Variants in PPP3CA observed in about 807,000 individuals in gnomAD.
PPP3CA encodes the protein CAM-PRP catalytic subunit.
Under a neutral mutation model 66.5 loss-of-function variants are expected in PPP3CA, and 14 were observed. That is an observed-to-expected ratio of 0.21 (90% CI 0.14 to 0.33). The LOEUF (loss-of-function observed/expected upper bound fraction) is 0.33, where lower values mean the gene tolerates loss of function less well. PPP3CA is among the 10% of genes least tolerant of loss of function. PPP3CA has a pLI of 1.00. For missense variants in PPP3CA, 317 were observed against 639.5 expected (o/e 0.50, Z 5.44); for synonymous variants, 232 against 226.2 (o/e 1.03, Z -0.23).
intron 2 of PPP3CA, among the ~76,000 whole-genome samples, chr4:101,116,905 A>C (rs1014444593): frequency 1.3e-4 from 20 of 151,952 alleles, no homozygotes; most frequent in African/African-American, 4.6e-4. Context: ...ATAATGAAAA[A>C]GTCTCTAAAT....
intron 2 of PPP3CA, among the ~76,000 whole-genome samples, chr4:101,176,857 G>A (rs528646663): frequency 6.6e-5 from 10 of 152,088 alleles, no homozygotes; most frequent in South Asian, 2.1e-4. Flanking sequence ...ATAGATATAC[G>A]ATATACTAGG....
intron 8 of PPP3CA, among the ~76,000 whole-genome samples, chr4:101,073,278 A>G (rs988508756): frequency 3.4e-5 from 5 of 146,112 alleles, no homozygotes; most frequent in Admixed American, 3.4e-4. Flanking sequence ...ACACTTACAT[A>G]CTTTTTTTTT....
At chr4:101,135,122 G>C (rs1406029118) in intron 2 of PPP3CA, among the ~76,000 whole-genome samples, 1 of 152,088 alleles carries the variant, frequency 6.6e-6, no homozygotes, top group South Asian at 2.1e-4. Context: ...TAATGTACAT[G>C]ATGGGCTAAT....
intron 1 of PPP3CA, among the ~76,000 whole-genome samples, chr4:101,233,752 T>C (rs943909842): frequency 4.6e-5 from 7 of 151,196 alleles, no homozygotes; most frequent in Admixed American, 1.3e-4. Context: ...TTTTTAACTT[T>C]TATTTTAGGT....
intron 1 of PPP3CA, among the ~76,000 whole-genome samples, chr4:101,240,569 G>A (rs910620878): frequency 6.6e-6 from 1 of 152,042 alleles, no homozygotes; most frequent in Non-Finnish European, 1.5e-5. Flanking sequence ...TGGGAAATCA[G>A]ATACGCAAAC....
intron 8 of PPP3CA, among the ~76,000 whole-genome samples, chr4:101,075,237 G>A (rs954991275): frequency 6.6e-6 from 1 of 152,092 alleles, no homozygotes; most frequent in African/African-American, 2.4e-5. Context: ...TCTTATAAAA[G>A]CAATTTTCTA....
rs148187266 is a variant in PPP3CA, at chr4:101,136,527, C to T, written c.260-27449G>A. ...GTGCACTGGAGCCTGGGTGACAGAACGAGACTCCGCCTCAAAAAAAAAAAA... is the reference window on the plus strand; with the variant it reads ...GTGCACTGGAGCCTGGGTGACAGAATGAGACTCCGCCTCAAAAAAAAAAAA... On this transcript the variant is annotated intron_variant, in intron 2 of 13. Transcript: ENST00000394854. Among the ~76,000 whole-genome samples the T allele has an allele frequency of 1.3e-4, 19 of 148,044 alleles. 1 individual carries two copies. The East Asian group carries it at 2.4e-3, about 19-fold the overall frequency.
At chr4:101,316,990 C>T (rs1374830846) in intron 1 of PPP3CA, among the ~76,000 whole-genome samples, 1 of 152,132 alleles carries the variant, frequency 6.6e-6, no homozygotes, top group East Asian at 1.9e-4. Context: ...AGTCATTTCA[C>T]ATACACAGAG....
At chr4:101,026,182 CAA>C (rs1726640539) in intron 13 of PPP3CA, 121 bp from the exon 14 acceptor site, 1 of 798,838 alleles carries the variant, frequency 1.3e-6, no homozygotes, top group Admixed American at 3.0e-5. Context: ...CAGTGAAGAA[CAA>C]AGTGACGGGA....
At chr4:101,252,360 A>G (rs577644577) in intron 1 of PPP3CA, among the ~76,000 whole-genome samples, 63 of 152,336 alleles carry the variant, frequency 4.1e-4, no homozygotes, top group Non-Finnish European at 8.1e-4. Flanking sequence ...GGTTGTAAAT[A>G]CAGTAGAGAA....
chr4:101,133,112 A>G (rs1043364851), intron 2 of PPP3CA, among the ~76,000 whole-genome samples: 2 of 152,158 alleles, frequency 1.3e-5, no homozygotes, highest in African/African-American at 2.4e-5. Context: ...AAGTAATAAG[A>G]GCTGTTTATG....
At chr4:101,241,453 TTTG>T (rs1392030768) in intron 1 of PPP3CA, among the ~76,000 whole-genome samples, 6 of 152,072 alleles carry the variant, frequency 3.9e-5, no homozygotes, top group Admixed American at 1.3e-4. Flanking sequence ...TCAACAAATA[TTTG>T]TTGAATAAAA....
At chr4:101,088,747 T>C (rs771553598) in intron 6 of PPP3CA, among the ~76,000 whole-genome samples, 1 of 151,988 alleles carries the variant, frequency 6.6e-6, no homozygotes, top group Non-Finnish European at 1.5e-5. Context: ...AGAGGGACGA[T>C]ACTAATGAAA....
At chr4:101,068,769 ATAACT>A (rs1449142440) in intron 8 of PPP3CA, among the ~76,000 whole-genome samples, 1 of 152,054 alleles carries the variant, frequency 6.6e-6, no homozygotes, top group African/African-American at 2.4e-5. Context: ...AATATTATTA[ATAACT>A]TAAAGGGAAA....
intron 3 of PPP3CA, among the ~76,000 whole-genome samples, chr4:101,106,462 A>G (rs1193431765): frequency 4.7e-5 from 2 of 42,962 alleles, no homozygotes; most frequent in African/African-American, 4.0e-4. Context: ...AGAGAAAAGA[A>G]AAGAAAAGAA....
chr4:101,269,574 GTGT>G, intron 1 of PPP3CA, among the ~76,000 whole-genome samples: 1 of 101,718 alleles, frequency 9.8e-6, no homozygotes, highest in African/African-American at 3.4e-5. Context: ...GTGTGTGTGT[GTGT>G]GTGTGTGTGT....
In PPP3CA at chr4:101,024,678, A is replaced by C. The variant is rs1442303649; in HGVS notation, c.*1187T>G. ...TTTCACATGTAACTACAAACTTATT[A>C]TAATTTCACAAGGTTTGCTAAACAT... On this transcript the variant is annotated 3_prime_UTR_variant, in exon 14 of 14. Transcript: ENST00000394854. 1 of 152,652 alleles carries C rather than the reference A, an allele frequency of 6.6e-6. No homozygotes were observed. The highest frequency in any genetic ancestry group is 1.5e-5 in the Non-Finnish European group (1 of 68,036). 9.5% of individuals were successfully genotyped at this position (152,652 alleles called of 1,614,324 possible).
intron 1 of PPP3CA, among the ~76,000 whole-genome samples, chr4:101,269,105 A>G (rs1727254386): frequency 6.6e-6 from 1 of 152,166 alleles, no homozygotes; most frequent in African/African-American, 2.4e-5. Context: ...ATTTGTCAAG[A>G]AGATTGAGAT....
At chr4:101,287,406 C>A (rs542940232) in intron 1 of PPP3CA, among the ~76,000 whole-genome samples, 1 of 152,134 alleles carries the variant, frequency 6.6e-6, no homozygotes, top group Admixed American at 6.5e-5. Flanking sequence ...AATTAAAAGC[C>A]TTTAGAGAGA....
Sources: allele counts gnomAD v4.1 joint callset (sites outside exome capture counted in the v4.1 genomes callset), GRCh38; gene constraint gnomAD v4.1.1; transcripts MANE v1.5; gene names NCBI Gene and HGNC (gene_info 2026-07-23, HGNC 2026-07-21).